The following SSBP3 variants were observed in gnomAD, a reference collection of about 807,000 sequenced individuals.
SSBP3 encodes the protein single stranded DNA binding protein 3.
SSBP3 carries 5 observed loss-of-function variants against 69.6 expected under a neutral mutation model. The observed-to-expected ratio is 0.07, with a 90% CI of 0.04 to 0.15. The LOEUF is 0.15. SSBP3 is among the 10% of genes least tolerant of loss of function. The pLI is 1.00. For synonymous variants in SSBP3, 196 were observed against 193.4 expected (o/e 1.01, Z -0.11); for missense variants, 312 against 534.0 (o/e 0.58, Z 4.10).
At chr1:54,230,019 G>T (rs1281611770) in intron 14 of SSBP3, among the ~76,000 whole-genome samples, 1 of 152,240 alleles carries the variant, frequency 6.6e-6, no homozygotes, top group Non-Finnish European at 1.5e-5. Context: ...TGGGCAGGCA[G>T]AGCCCATCGC....
intron 13 of SSBP3, among the ~76,000 whole-genome samples, chr1:54,240,099 C>CGCGCGT (rs1644594892): frequency 2.8e-5 from 3 of 105,294 alleles, no homozygotes; most frequent in Non-Finnish European, 5.8e-5. Context: ...CGCGCGCGCG[C>CGCGCGT]GTGTGCGTGC....
At chr1:54,412,423 A>G (rs1355771338) in intron 1 of SSBP3, among the ~76,000 whole-genome samples, 1 of 152,260 alleles carries the variant, frequency 6.6e-6, no homozygotes, top group East Asian at 1.9e-4. Context: ...ACATTATGCT[A>G]AATGAAATCA....
chr1:54,305,535 C>T (rs1459764568), intron 4 of SSBP3, among the ~76,000 whole-genome samples: 1 of 151,740 alleles, frequency 6.6e-6, no homozygotes, highest in Admixed American at 6.6e-5. Flanking sequence ...AGGCCACTGG[C>T]TTCCTTTGCC....
intron 4 of SSBP3, among the ~76,000 whole-genome samples, chr1:54,310,388 G>A (rs893569206): frequency 2.0e-5 from 3 of 151,994 alleles, no homozygotes; most frequent in African/African-American, 7.2e-5. Flanking sequence ...TGAGAGCATG[G>A]TTTTTCTACT....
intron 5 of SSBP3, among the ~76,000 whole-genome samples, chr1:54,260,988 C>A (rs945968639): frequency 2.6e-5 from 4 of 152,256 alleles, no homozygotes; most frequent in African/African-American, 9.6e-5. Flanking sequence ...GCTCTGCCTG[C>A]CCACCTCTCG....
intron 4 of SSBP3, among the ~76,000 whole-genome samples, chr1:54,345,523 G>C (rs1264585652): frequency 6.6e-6 from 1 of 152,186 alleles, no homozygotes; most frequent in East Asian, 1.9e-4. Flanking sequence ...GGCCTCAAAA[G>C]TAATAGGGCA....
rs138310824 is a variant in SSBP3 at position 54,339,018 on chromosome 1, C to T, written c.277-57491G>A. Among the ~76,000 whole-genome samples the T allele has an allele frequency of 4.4e-3, 667 of 152,314 alleles. 12 individuals carry two copies. Among genetic ancestry groups the T allele is most frequent in the Admixed American group, 0.036 (544 of 15,308 alleles). ...CACATGCCTTTTATTTCATGTAGCA[C>T]TTTACAGTCTGCAGAGTGCTTTCAT... is the stretch of plus-strand genomic sequence containing the variant. On this transcript the variant is annotated intron_variant, in intron 4 of 17. Transcript: ENST00000610401.
At chr1:54,369,501 TC>T (rs969232448) in intron 4 of SSBP3, among the ~76,000 whole-genome samples, 12 of 151,714 alleles carry the variant, frequency 7.9e-5, no homozygotes, top group Non-Finnish European at 1.3e-4. Flanking sequence ...AGTTATGTGA[TC>T]AAAAAAAAAG....
At chr1:54,407,368 G>C (rs1649852459), upstream of SSBP3, among the ~76,000 whole-genome samples, 1 of 152,124 alleles carries the variant, frequency 6.6e-6, no homozygotes, top group Non-Finnish European at 1.5e-5. Flanking sequence ...GAGCTAAATT[G>C]GGGAGTGAGG....
chr1:54,341,719 A>G (rs2100525975), intron 4 of SSBP3, among the ~76,000 whole-genome samples: 1 of 152,140 alleles, frequency 6.6e-6, no homozygotes, highest in African/African-American at 2.4e-5. Flanking sequence ...TTGAAAAAAA[A>G]AAAAAGAAGT....
intron 4 of SSBP3, among the ~76,000 whole-genome samples, chr1:54,377,021 A>G (rs1289904978): frequency 6.6e-6 from 1 of 151,940 alleles, no homozygotes; most frequent in Non-Finnish European, 1.5e-5. Context: ...CTACAGAATG[A>G]GAGAGAGGTA....
At chr1:54,249,898 T>C (rs959341635) in intron 9 of SSBP3, among the ~76,000 whole-genome samples, 1 of 152,108 alleles carries the variant, frequency 6.6e-6, no homozygotes, top group African/African-American at 2.4e-5. Context: ...TGAGGATCCA[T>C]GGGCTGGGCG....
chr1:54,305,530 A>G (rs1452686781), intron 4 of SSBP3, among the ~76,000 whole-genome samples: 1 of 151,928 alleles, frequency 6.6e-6, no homozygotes, highest in African/African-American at 2.4e-5. Context: ...GCTCCAGGCC[A>G]CTGGCTTCCT....
chr1:54,280,529 A>C (rs1441284776), intron 5 of SSBP3, among the ~76,000 whole-genome samples: 1 of 152,188 alleles, frequency 6.6e-6, no homozygotes, highest in Non-Finnish European at 1.5e-5. Context: ...AATCTTTCAA[A>C]AGGTGTGGAG....
chr1:54,287,914 A>C (rs1386931443), intron 4 of SSBP3, among the ~76,000 whole-genome samples: 1 of 152,198 alleles, frequency 6.6e-6, no homozygotes, highest in African/African-American at 2.4e-5. Context: ...GTGAAGAGGC[A>C]GAACCAGCTG....
intron 4 of SSBP3, among the ~76,000 whole-genome samples, chr1:54,314,700 G>A (rs1646064692): frequency 6.6e-6 from 1 of 152,224 alleles, no homozygotes; most frequent in South Asian, 2.1e-4. Context: ...AAGGAAAAGA[G>A]TTGTTCTTTT....
chr1:54,396,207 AAAAAAAAAAAAAC>A (rs1159214327), intron 4 of SSBP3, among the ~76,000 whole-genome samples: 2 of 149,966 alleles, frequency 1.3e-5, no homozygotes, highest in African/African-American at 2.5e-5. Flanking sequence ...AAAAAAAAAA[AAAAAAAAAAAAAC>A]AACCCCATTA....
At chr1:54,397,998 C>G (rs1557592862) in intron 4 of SSBP3, among the ~76,000 whole-genome samples, 1 of 152,180 alleles carries the variant, frequency 6.6e-6, no homozygotes, top group Admixed American at 6.5e-5. Context: ...AACCAGCATA[C>G]CCGGTGCCAG....
chr1:54,248,858 T>A (rs1360215728), intron 9 of SSBP3, among the ~76,000 whole-genome samples: 1 of 152,080 alleles, frequency 6.6e-6, no homozygotes, highest in Non-Finnish European at 1.5e-5. Context: ...CACTTTAGGG[T>A]CTCCACATTG....
Sources: gnomAD v4.1 joint callset for allele counts (sites outside exome capture counted in the v4.1 genomes callset) on GRCh38, gnomAD v4.1.1 for gene constraint, MANE v1.5 for transcripts, NCBI Gene and HGNC (gene_info 2026-07-23, HGNC 2026-07-21) for gene names.